Variants in ARHGEF7 observed in about 807,000 individuals in gnomAD.
ARHGEF7 encodes Rho guanine nucleotide exchange factor 7.
A neutral mutation model predicts 109.8 loss-of-function variants in ARHGEF7; 33 were observed. The observed-to-expected ratio is 0.30, with a 90% CI of 0.23 to 0.40. The LOEUF (loss-of-function observed/expected upper bound fraction) is 0.40. Ranked by LOEUF, ARHGEF7 falls within the 10% of genes least tolerant of loss-of-function variation. ARHGEF7 has a pLI of 1.00. For synonymous variants in ARHGEF7, 458 were observed against 424.6 expected, an observed-to-expected ratio of 1.08 and a Z score of -0.97; for missense variants, 938 against 1,098.5, an observed-to-expected ratio of 0.85 and a Z score of 2.07.
chr13:111,205,314 A>G lies in ARHGEF7; in HGVS notation c.278A>G (p.Gln93Arg), dbSNP rs2081681685. ...ACGTTTGATGCAAATGATTTGTATCAGGGGCAGAATTTTAACAAGGTCCTC... is the reference window on the plus strand; with the variant it reads ...ACGTTTGATGCAAATGATTTGTATCGGGGGCAGAATTTTAACAAGGTCCTC... ...LETFDANDLY[Q>R]GQNFNKVLSS... The change falls in exon 3 of 22, where the codon CAG (glutamine) becomes CGG (arginine). Residue 93 changes from glutamine to arginine, a missense_variant. Around this residue, in one of 4 missense-constraint regions of ARHGEF7, gnomAD observed 165 missense variants for 125.8 expected, o/e 1.31. Coordinates refer to ENST00000646102, the MANE Select transcript of ARHGEF7 (RefSeq NM_001354046.2). 1 of 1,602,754 alleles carries G rather than the reference A, an allele frequency of 6.2e-7. No individual in the cohort carries two copies. The highest frequency in any genetic ancestry group is 1.1e-5 in the South Asian group (1 of 88,376).
chr13:111,238,188 GT>G (rs1410491825), intron 6 of ARHGEF7, among the ~76,000 whole-genome samples: 38 of 152,168 alleles, frequency 2.5e-4, no homozygotes, highest in African/African-American at 8.5e-4. Context: ...TGTTGTGTAG[GT>G]AGTTCAGATA....
In ARHGEF7 at chr13:111,257,044, T is replaced by A. The variant is rs543871051; in HGVS notation, c.951-10504T>A. ...TTCCAAAGTTGTAATAATCTACAGA[T>A]GTCCCTCTACAGATTGGACCTCCTT... On this transcript the variant is annotated intron_variant, in intron 8 of 21. Coordinates refer to ENST00000646102, the MANE Select transcript of ARHGEF7 (RefSeq NM_001354046.2). Among the ~76,000 whole-genome samples, 3 of 152,376 alleles carry A rather than the reference T, an allele frequency of 2.0e-5. No homozygotes were observed. In the South Asian group the frequency reaches 6.2e-4, roughly 32 times the overall value.
intron 1 of ARHGEF7, among the ~76,000 whole-genome samples, chr13:111,141,704 G>A (rs550347317): frequency 2.2e-4 from 34 of 151,802 alleles, no homozygotes; most frequent in African/African-American, 7.0e-4. Flanking sequence ...ATGTACCACC[G>A]TTTTTTCTCC....
intron 5 of ARHGEF7, among the ~76,000 whole-genome samples, chr13:111,223,108 A>G (rs1409453014): frequency 6.6e-6 from 1 of 152,256 alleles, no homozygotes; most frequent in Non-Finnish European, 1.5e-5. Context: ...GTATATATAC[A>G]GAGATATAGC....
intron 1 of ARHGEF7, among the ~76,000 whole-genome samples, chr13:111,139,606 G>A (rs1284700198): frequency 6.6e-6 from 1 of 151,640 alleles, no homozygotes; most frequent in East Asian, 1.9e-4. Context: ...GTGGAGCACT[G>A]GCGGGTGCCT....
intron 4 of ARHGEF7, 24 bp from the exon 5 acceptor site, chr13:111,217,654 TC>T (rs1335119525): frequency 1.3e-6 from 2 of 1,590,874 alleles, no homozygotes; most frequent in Admixed American, 3.3e-5. Context: ...GTATAATTTT[TC>T]TCCCACTCTT....
At chr13:111,231,346 A>C (rs1462768318) in intron 5 of ARHGEF7, among the ~76,000 whole-genome samples, 1 of 152,210 alleles carries the variant, frequency 6.6e-6, no homozygotes, top group Non-Finnish European at 1.5e-5. Context: ...ACAGTGTAGA[A>C]GGGATTTGTT....
rs1336543712 is a variant in ARHGEF7, at chr13:111,273,341, G to A, written c.1074-473G>A. The stretch of plus-strand genomic sequence containing the variant: ...CCTACTCCCAGGCTGAGTGCTGGCA[G>A]CACATAGGTGGGGCCTGCTCGCTGG... On this transcript the variant is annotated intron_variant, in intron 9 of 21. Transcript: ENST00000646102. The surrounding 1 kb of genome is among the most constrained non-coding windows in gnomAD (Gnocchi z 4.5). 1.3e-5 allele frequency among the ~76,000 whole-genome samples: 2 copies of A among 152,242 alleles called. No homozygotes were observed. The highest frequency in any genetic ancestry group is 2.9e-5 in the Non-Finnish European group (2 of 68,046).
At chr13:111,154,094 G>A in intron 2 of ARHGEF7, 103 bp downstream of exon 2, 6 of 1,178,672 alleles carry the variant, frequency 5.1e-6, no homozygotes, top group Non-Finnish European at 2.3e-6. Flanking sequence ...CTCCGCGCCC[G>A]GATCCGACCC....
intron 5 of ARHGEF7, among the ~76,000 whole-genome samples, chr13:111,222,093 CG>C (rs2084506708): frequency 6.6e-6 from 1 of 152,092 alleles, no homozygotes; most frequent in Non-Finnish European, 1.5e-5. Flanking sequence ...TCCCAGTTCA[CG>C]GACTCAAATG....
intron 2 of ARHGEF7, among the ~76,000 whole-genome samples, chr13:111,169,682 A>AT (rs1411463682): frequency 2.6e-5 from 4 of 152,138 alleles, no homozygotes; most frequent in African/African-American, 9.7e-5. Context: ...TTATTGGAAG[A>AT]TTTTTTGGTG....
At chr13:111,186,681 A>T (rs922991581) in intron 2 of ARHGEF7, 1 of 346,742 alleles carries the variant, frequency 2.9e-6, no homozygotes, top group Non-Finnish European at 4.1e-6. Context: ...TAAACTTTGC[A>T]AACCACACTC....
chr13:111,268,846 T>C (rs1817101093), intron 9 of ARHGEF7, among the ~76,000 whole-genome samples: 1 of 152,230 alleles, frequency 6.6e-6, no homozygotes, highest in South Asian at 2.1e-4. Flanking sequence ...TCTTCTATTG[T>C]TTCTTCATTT....
chr13:111,196,085 A>G (rs2080467043), intron 2 of ARHGEF7, among the ~76,000 whole-genome samples: 3 of 152,180 alleles, frequency 2.0e-5, no homozygotes, highest in Admixed American at 6.5e-5. Flanking sequence ...GTGACAGGGT[A>G]GAGTATTTTC....
At chr13:111,245,267 T>C (rs897192421) in intron 8 of ARHGEF7, among the ~76,000 whole-genome samples, 2 of 152,146 alleles carry the variant, frequency 1.3e-5, no homozygotes, top group African/African-American at 4.8e-5. Context: ...CAGGACCTTT[T>C]TTTGGTGCAA....
At chr13:111,139,340 T>G (rs2075237295) in intron 1 of ARHGEF7, among the ~76,000 whole-genome samples, 1 of 152,210 alleles carries the variant, frequency 6.6e-6, no homozygotes, top group African/African-American at 2.4e-5. Flanking sequence ...TCTCCCTCTG[T>G]GTCTCTCTGT....
At chr13:111,172,058 C>G (rs1453221417) in intron 2 of ARHGEF7, among the ~76,000 whole-genome samples, 1 of 152,174 alleles carries the variant, frequency 6.6e-6, no homozygotes, top group Non-Finnish European at 1.5e-5. Context: ...GCAGCCTGAA[C>G]GGCCCAAGGC....
intron 2 of ARHGEF7, among the ~76,000 whole-genome samples, chr13:111,165,760 A>C (rs1298305576): frequency 6.6e-6 from 1 of 152,216 alleles, no homozygotes; most frequent in Non-Finnish European, 1.5e-5. Context: ...TTCAGTGGTC[A>C]GCTCTGCATA....
At chr13:111,233,137 T>C (rs2086329756) in intron 5 of ARHGEF7, 68 bp from the exon 6 acceptor site, 1 of 1,315,912 alleles carries the variant, frequency 7.6e-7, no homozygotes, top group African/African-American at 1.4e-5. Flanking sequence ...CCTTGGCCTG[T>C]GTGAGGGGCT....
Sources: gnomAD v4.1 joint callset for allele counts (sites outside exome capture counted in the v4.1 genomes callset) on GRCh38, gnomAD v4.1.1 for gene constraint, gnomAD v4.1.1 regional missense constraint, Gnocchi (gnomAD v3.1) non-coding constraint, MANE v1.5 for transcripts, NCBI Gene and HGNC (gene_info 2026-07-23, HGNC 2026-07-21) for gene names.